Variants in EBF1 observed in about 807,000 individuals in gnomAD.
EBF1 encodes the protein EBF transcription factor 1, also known as transcription factor COE1.
A neutral mutation model predicts 68.4 loss-of-function variants in EBF1; 10 were observed. That is an observed-to-expected ratio of 0.15 (90% CI 0.09 to 0.25). The LOEUF is 0.25. Among genes scored for constraint, EBF1 ranks in the 10% least tolerant of loss-of-function variants. The pLI is 1.00. For missense variants in EBF1, 509 were observed against 794.4 expected (o/e 0.64, Z 4.32); for synonymous variants, 298 against 299.8 (o/e 0.99, Z 0.06).
intron 6 of EBF1, among the ~76,000 whole-genome samples, chr5:158,987,506 A>C (rs1345137024): frequency 6.6e-6 from 1 of 152,214 alleles, no homozygotes; most frequent in Non-Finnish European, 1.5e-5. Context: ...GGAGGTAGGC[A>C]GGGCAGGGAT....
chr5:158,808,341 T>G (rs1403123063), intron 8 of EBF1, among the ~76,000 whole-genome samples: 1 of 152,132 alleles, frequency 6.6e-6, no homozygotes, highest in Admixed American at 6.6e-5. Flanking sequence ...TAATTATTAG[T>G]TATATGCAAA....
chr5:158,777,516 A>G lies in EBF1; in HGVS notation c.933T>C (p.Arg311=), dbSNP rs766181428. The G allele has an allele frequency of 1.2e-6, 2 of 1,612,048 alleles. No individual in the cohort carries two copies. Among genetic ancestry groups the G allele is most frequent in the Non-Finnish European group, 8.5e-7 (1 of 1,178,794 alleles). ...WSELITPHAI[R]VQTPPRHIPG... is the part of the protein sequence containing the mutation. ...GGATGTGCCGAGGAGGGGTCTGCAC[A>G]CGGATGGCATGAGGAGTGATCAACT... The change falls in exon 10 of 16, where the codon CGT becomes CGC. Residue 311 remains arginine (R), a synonymous_variant. Coordinates refer to ENST00000313708, the MANE Select transcript of EBF1 (RefSeq NM_024007.5).
At chr5:159,027,696 C>T (rs1767969029) in intron 6 of EBF1, among the ~76,000 whole-genome samples, 3 of 152,214 alleles carry the variant, frequency 2.0e-5, no homozygotes, top group African/African-American at 4.8e-5. Flanking sequence ...GACTTCTCAG[C>T]ACTGTGTAGC....
At chr5:158,775,811 C>G (rs1775092675) in intron 10 of EBF1, among the ~76,000 whole-genome samples, 1 of 151,080 alleles carries the variant, frequency 6.6e-6, no homozygotes, top group South Asian at 2.1e-4. Context: ...CACACACACA[C>G]ACACACACAC....
chr5:158,739,162 A>T (rs1258021450), intron 10 of EBF1, among the ~76,000 whole-genome samples: 1 of 152,210 alleles, frequency 6.6e-6, no homozygotes, highest in Non-Finnish European at 1.5e-5. Context: ...AGATACATTA[A>T]ACCAATTTAT....
chr5:158,822,680 A>G (rs1319149309), intron 8 of EBF1, among the ~76,000 whole-genome samples: 1 of 152,178 alleles, frequency 6.6e-6, no homozygotes, highest in Non-Finnish European at 1.5e-5. Flanking sequence ...TCGACATTGA[A>G]CCTGATCTCC....
chr5:158,978,608 A>G (rs2127579862), intron 6 of EBF1, among the ~76,000 whole-genome samples: 1 of 138,320 alleles, frequency 7.2e-6, no homozygotes, highest in African/African-American at 2.8e-5. Flanking sequence ...GCCGCTGCCA[A>G]CATAAACAGT....
chr5:158,750,337 A>C (rs927946687), intron 10 of EBF1, among the ~76,000 whole-genome samples: 1 of 152,124 alleles, frequency 6.6e-6, no homozygotes, highest in Admixed American at 6.6e-5. Flanking sequence ...TGTCTTTAGT[A>C]GCATGGGTTC....
chr5:158,810,430 A>T (rs1306017389), intron 8 of EBF1, among the ~76,000 whole-genome samples: 1 of 152,200 alleles, frequency 6.6e-6, no homozygotes, highest in Non-Finnish European at 1.5e-5. Context: ...GCCCAAGTAC[A>T]TTGCTCTCTG....
At chr5:158,789,825 T>C (rs1485813720) in intron 9 of EBF1, among the ~76,000 whole-genome samples, 1 of 152,206 alleles carries the variant, frequency 6.6e-6, no homozygotes, top group Non-Finnish European at 1.5e-5. Context: ...TCAACCACTC[T>C]TGAATATCAT....
At chr5:158,712,432 G>A (rs1250165635) in intron 13 of EBF1, 99 bp from the exon 14 acceptor site, 6 of 1,368,020 alleles carry the variant, frequency 4.4e-6, no homozygotes, top group East Asian at 2.5e-5. Flanking sequence ...TGGCCCCGTC[G>A]CCGCAACCCA....
intron 6 of EBF1, among the ~76,000 whole-genome samples, chr5:158,853,397 T>TA (rs1170097790): frequency 6.6e-6 from 1 of 152,130 alleles, no homozygotes; most frequent in Non-Finnish European, 1.5e-5. Context: ...TGGGCGGCTT[T>TA]AAAAAAAGAG....
intron 8 of EBF1, among the ~76,000 whole-genome samples, chr5:158,812,576 G>T (rs1323560643): frequency 6.6e-6 from 1 of 152,162 alleles, no homozygotes; most frequent in East Asian, 1.9e-4. Context: ...GGAGGTACCA[G>T]GACTTCCTGC....
chr5:159,015,657 CA>C (rs1003078940), intron 6 of EBF1, among the ~76,000 whole-genome samples: 2 of 152,176 alleles, frequency 1.3e-5, no homozygotes. Flanking sequence ...ATTTAAACTT[CA>C]GTGGGTTTTC....
chr5:158,699,227 A>T, intron 15 of EBF1, 85 bp from the exon 16 acceptor site: 1 of 1,294,734 alleles, frequency 7.7e-7, no homozygotes, highest in Non-Finnish European at 1.1e-6. Context: ...AAAAAAAAAA[A>T]CACCCACACA....
At chr5:159,051,452 C>T (rs1169259127) in intron 6 of EBF1, among the ~76,000 whole-genome samples, 3 of 143,626 alleles carry the variant, frequency 2.1e-5, no homozygotes, top group Non-Finnish European at 4.6e-5. Flanking sequence ...CCCACCCCGC[C>T]GCCCGGCGGC....
At chr5:158,977,589 ACAT>A (rs926982547) in intron 6 of EBF1, among the ~76,000 whole-genome samples, 1 of 152,232 alleles carries the variant, frequency 6.6e-6, no homozygotes, top group Non-Finnish European at 1.5e-5. Flanking sequence ...CAGTTCAGAA[ACAT>A]CAGCACAGTA....
chr5:158,976,411 T>C (rs987371644), intron 6 of EBF1, among the ~76,000 whole-genome samples: 1 of 151,718 alleles, frequency 6.6e-6, no homozygotes, highest in African/African-American at 2.4e-5. Context: ...TCACTAGGAA[T>C]GTAAAATACA....
At chr5:159,076,556 T>C (rs959775112) in intron 5 of EBF1, among the ~76,000 whole-genome samples, 1 of 152,018 alleles carries the variant, frequency 6.6e-6, no homozygotes, top group African/African-American at 2.4e-5. Context: ...GAAGGAAATA[T>C]AGAAATGAAA....
Sources: gnomAD v4.1 joint callset for allele counts (sites outside exome capture counted in the v4.1 genomes callset) on GRCh38, gnomAD v4.1.1 for gene constraint, MANE v1.5 for transcripts, NCBI Gene and HGNC (gene_info 2026-07-23, HGNC 2026-07-21) for gene names.